LHFPL3: variants seen among roughly 807,000 people sequenced by gnomAD.
LHFPL3 encodes LHFPL tetraspan subfamily member 3.
A neutral mutation model predicts 19.3 loss-of-function variants in LHFPL3; 5 were observed. The ratio of observed to expected loss-of-function variants is 0.26; its 90% CI spans 0.14 to 0.54. The LOEUF (loss-of-function observed/expected upper bound fraction) is 0.54, where lower values mean the gene tolerates loss of function less well. Among genes scored for constraint, LHFPL3 ranks in the 20% least tolerant of loss-of-function variants. The pLI is 0.94. For synonymous variants in LHFPL3, 133 were observed against 126.2 expected (o/e 1.05, Z -0.36); for missense variants, 249 against 307.4 (o/e 0.81, Z 1.42).
At chr7:104,541,149 A>ACACACACACACACACACAC (rs1210675502) in intron 1 of LHFPL3, among the ~76,000 whole-genome samples, 1 of 78,592 alleles carries the variant, frequency 1.3e-5, no homozygotes, top group Non-Finnish European at 3.2e-5. Context: ...CACACACACA[A>ACACACACACACACACACAC]CCCTGTGGCT....
rs189290079 is a variant in LHFPL3, at chr7:104,525,752, G to A, written c.445+196528G>A. ...CTGCAGAGTAGCTGGGATTACAAGC[G>A]CGTACCTCCACGCCAGGCTAATTTT... On this transcript the variant is annotated intron_variant, in intron 1 of 2. Transcript: ENST00000424859. Among the ~76,000 whole-genome samples, 345 of 151,998 alleles carry A rather than the reference G, an allele frequency of 2.3e-3. 1 individual carries two copies. Among genetic ancestry groups the A allele is most frequent in the Non-Finnish European group, 4.2e-3 (287 of 67,968 alleles).
At chr7:104,739,954 T>G (rs1239360097) in intron 2 of LHFPL3, among the ~76,000 whole-genome samples, 1 of 152,220 alleles carries the variant, frequency 6.6e-6, no homozygotes, top group African/African-American at 2.4e-5. Flanking sequence ...TCTTAAATTG[T>G]AATCCAAATT....
At chr7:104,593,173 T>C (rs1206996899) in intron 1 of LHFPL3, among the ~76,000 whole-genome samples, 1 of 152,182 alleles carries the variant, frequency 6.6e-6, no homozygotes, top group African/African-American at 2.4e-5. Flanking sequence ...CTTGTGGGCA[T>C]TTAGTGCTAT....
At chr7:104,531,921 T>C (rs10274079) in intron 1 of LHFPL3, among the ~76,000 whole-genome samples, 22,192 of 151,956 alleles carry the variant, frequency 0.15, 1,728 homozygotes, top group Admixed American at 0.17. Flanking sequence ...GTCATCAGGA[T>C]GCAGATTGGT....
chr7:104,604,118 C>G lies in LHFPL3; in HGVS notation c.446-132557C>G, dbSNP rs1413179534. On this transcript the variant is annotated intron_variant, in intron 1 of 2. Transcript: ENST00000424859. ...GCCTTGGCCCCCAGGCTTTCCCAGACATCCTTTGAAATCTAGGTGGAGACC... is the reference window on the plus strand; with the variant it reads ...GCCTTGGCCCCCAGGCTTTCCCAGAGATCCTTTGAAATCTAGGTGGAGACC... Among the ~76,000 whole-genome samples, 3 of 152,236 alleles carry G rather than the reference C, an allele frequency of 2.0e-5. No individual in the cohort carries two copies. In the East Asian group the frequency reaches 5.8e-4, roughly 29 times the overall value.
chr7:104,374,202 C>CTA (rs1348579260), intron 1 of LHFPL3, among the ~76,000 whole-genome samples: 511 of 49,412 alleles, frequency 0.01, 2 homozygotes, highest in African/African-American at 0.042. Context: ...ATCTATCTAT[C>CTA]TATATATGTG....
chr7:104,335,856 G>GAAAAAAA (rs11399914), intron 1 of LHFPL3, among the ~76,000 whole-genome samples: 3 of 134,730 alleles, frequency 2.2e-5, no homozygotes, highest in African/African-American at 2.7e-5. Flanking sequence ...GGAGTAAAAT[G>GAAAAAAA]AAAAAAAAAA....
At chr7:104,459,098 G>C (rs1453533899) in intron 1 of LHFPL3, among the ~76,000 whole-genome samples, 2 of 152,208 alleles carry the variant, frequency 1.3e-5, no homozygotes, top group Non-Finnish European at 2.9e-5. Context: ...GGCAGCTCAA[G>C]GTGGTATTGA....
intron 1 of LHFPL3, among the ~76,000 whole-genome samples, chr7:104,337,663 A>G (rs535573127): frequency 4.6e-5 from 7 of 152,334 alleles, no homozygotes; most frequent in Admixed American, 1.3e-4. Context: ...GTGAGTTTAA[A>G]TTGATTTCTG....
chr7:104,823,714 G>A (rs76813664), intron 2 of LHFPL3, among the ~76,000 whole-genome samples: 2,477 of 152,204 alleles, frequency 0.016, 41 homozygotes, highest in South Asian at 0.036. Flanking sequence ...TGAGCTTGAC[G>A]GAGCCTTTCA....
chr7:104,705,041 T>C (rs1233982808), intron 1 of LHFPL3, among the ~76,000 whole-genome samples: 5 of 152,220 alleles, frequency 3.3e-5, no homozygotes, highest in African/African-American at 4.8e-5. Context: ...TAATCACATT[T>C]CTTTTCCTTT....
intron 2 of LHFPL3, among the ~76,000 whole-genome samples, chr7:104,805,382 C>G (rs151106571): frequency 2.6e-5 from 4 of 152,306 alleles, no homozygotes; most frequent in Non-Finnish European, 5.9e-5. Flanking sequence ...AGATGCGACT[C>G]AAATGAATGT....
At chr7:104,598,472 C>A (rs1790905808) in intron 1 of LHFPL3, among the ~76,000 whole-genome samples, 1 of 152,186 alleles carries the variant, frequency 6.6e-6, no homozygotes, top group Non-Finnish European at 1.5e-5. Context: ...AAAGCAGTGG[C>A]TACCAAGAGG....
At chr7:104,357,981 A>C (rs1790316138) in intron 1 of LHFPL3, among the ~76,000 whole-genome samples, 1 of 152,222 alleles carries the variant, frequency 6.6e-6, no homozygotes, top group East Asian at 1.9e-4. Context: ...AATCCCATAG[A>C]CAGCCCTGGT....
intron 1 of LHFPL3, among the ~76,000 whole-genome samples, chr7:104,428,012 A>G (rs550055329): frequency 6.6e-6 from 1 of 152,342 alleles, no homozygotes; most frequent in African/African-American, 2.4e-5. Context: ...GGAAAATGCC[A>G]TCCCAGTAAA....
intron 2 of LHFPL3, among the ~76,000 whole-genome samples, chr7:104,828,989 C>T (rs559599002): frequency 2.0e-5 from 3 of 151,460 alleles, no homozygotes; most frequent in East Asian, 1.9e-4. Flanking sequence ...GAGCCAAGAT[C>T]GTACCGCTGC....
At chr7:104,836,960 T>A (rs1791109311) in intron 2 of LHFPL3, among the ~76,000 whole-genome samples, 1 of 152,186 alleles carries the variant, frequency 6.6e-6, no homozygotes, top group African/African-American at 2.4e-5. Flanking sequence ...CACGGCCAGA[T>A]AATAGTAAGA....
At chr7:104,510,710 C>T (rs1373629652) in intron 1 of LHFPL3, among the ~76,000 whole-genome samples, 1 of 152,134 alleles carries the variant, frequency 6.6e-6, no homozygotes, top group Non-Finnish European at 1.5e-5. Flanking sequence ...ATTTAAAACT[C>T]TTGCTCTGTG....
chr7:104,673,589 C>G (rs182292217), intron 1 of LHFPL3, among the ~76,000 whole-genome samples: 3 of 152,266 alleles, frequency 2.0e-5, no homozygotes, highest in Admixed American at 6.5e-5. Flanking sequence ...GTGCATTAGA[C>G]TGGGGATGGG....
Sources: allele counts gnomAD v4.1 joint callset (sites outside exome capture counted in the v4.1 genomes callset), GRCh38; gene constraint gnomAD v4.1.1; transcripts MANE v1.5; gene names NCBI Gene and HGNC (gene_info 2026-07-23, HGNC 2026-07-21).